Variants in FUT9 observed in about 807,000 individuals in gnomAD.
The protein encoded by FUT9 is 4-galactosyl-N-acetylglucosaminide 3-alpha-L-fucosyltransferase 9.
Under a neutral mutation model 29.7 loss-of-function variants are expected in FUT9, and 15 were observed. The observed-to-expected ratio is 0.51, with a 90% CI of 0.34 to 0.78. The LOEUF (loss-of-function observed/expected upper bound fraction) is 0.78. Ranked by LOEUF, FUT9 falls within the 30% of genes least tolerant of loss-of-function variation. The probability of loss-of-function intolerance (pLI) is 0.01; values close to 1 mark genes in which losing one functional copy is unlikely to be tolerated. For synonymous variants in FUT9, 169 were observed against 153.7 expected (o/e 1.10, Z -0.74); for missense variants, 319 against 425.4 (o/e 0.75, Z 2.20).
chr6:96,038,364 AG>A (rs1401189559), intron 1 of FUT9, among the ~76,000 whole-genome samples: 2 of 152,144 alleles, frequency 1.3e-5, no homozygotes, highest in Non-Finnish European at 2.9e-5. Context: ...GGCTTCTATT[AG>A]CAGAACATCT....
intron 1 of FUT9, among the ~76,000 whole-genome samples, chr6:96,060,340 T>C (rs1320375182): frequency 6.6e-6 from 1 of 152,328 alleles, no homozygotes; most frequent in Non-Finnish European, 1.5e-5. Flanking sequence ...ATTTACATAC[T>C]AAATTAAACT....
At chr6:96,172,852 C>T (rs896606981) in intron 2 of FUT9, among the ~76,000 whole-genome samples, 8 of 152,080 alleles carry the variant, frequency 5.3e-5, no homozygotes, top group Admixed American at 2.6e-4. Flanking sequence ...GCACTTTATA[C>T]TCTGAGGACA....
At chr6:96,171,882 A>G (rs927575920) in intron 2 of FUT9, among the ~76,000 whole-genome samples, 2 of 152,160 alleles carry the variant, frequency 1.3e-5, no homozygotes, top group African/African-American at 4.8e-5. Context: ...CTAGCAGAAT[A>G]AAGAATTTGT....
At chr6:96,020,672 C>T (rs72627715) in intron 1 of FUT9, among the ~76,000 whole-genome samples, 3,219 of 152,144 alleles carry the variant, frequency 0.021, 162 homozygotes, top group East Asian at 0.2. Flanking sequence ...GGAAGAATAA[C>T]ATGGTGACAT....
chr6:96,042,800 T>A (rs1770487094), intron 1 of FUT9, among the ~76,000 whole-genome samples: 1 of 152,172 alleles, frequency 6.6e-6, no homozygotes, highest in Non-Finnish European at 1.5e-5. Context: ...GTGAGATACT[T>A]CCCATTATTC....
chr6:96,146,464 T>C (rs1260181467), intron 2 of FUT9, among the ~76,000 whole-genome samples: 1 of 152,164 alleles, frequency 6.6e-6, no homozygotes, highest in East Asian at 1.9e-4. Flanking sequence ...CAAAGGAAAA[T>C]CTGAGGGGTT....
chr6:96,129,100 A>C (rs1772187292), intron 2 of FUT9, among the ~76,000 whole-genome samples: 1 of 103,376 alleles, frequency 9.7e-6, no homozygotes, highest in Non-Finnish European at 2.4e-5. Context: ...TACTAAAAAT[A>C]CAAAAAAAAA....
At chr6:96,129,784 T>C (rs1229198630) in intron 2 of FUT9, among the ~76,000 whole-genome samples, 3 of 151,936 alleles carry the variant, frequency 2.0e-5, no homozygotes, top group African/African-American at 7.2e-5. Flanking sequence ...AATATATTCT[T>C]CTATTACTTT....
intron 1 of FUT9, among the ~76,000 whole-genome samples, chr6:96,062,201 GA>G (rs886352870): frequency 3.3e-5 from 5 of 151,052 alleles, no homozygotes; most frequent in South Asian, 2.1e-4. Flanking sequence ...ATGAAAAAAA[GA>G]AAAAAATCTG....
Position 96,214,500 on chromosome 6 carries a change from G to C in FUT9, c.*10265G>C, listed in dbSNP as rs77748719. The C allele has an allele frequency of 0.016, 2,607 of 166,858 alleles. 36 individuals are homozygous for C. Among genetic ancestry groups the C allele is most frequent in the Non-Finnish European group, 0.021 (1,396 of 68,018 alleles). 10.3% of individuals were successfully genotyped at this position (166,858 alleles called of 1,614,324 possible). A position where few individuals can be genotyped will look rare whatever the true frequency, so the allele number is the denominator to read the frequency against. On this transcript the variant is annotated 3_prime_UTR_variant, in exon 3 of 3. Coordinates refer to ENST00000302103, the MANE Select transcript of FUT9 (RefSeq NM_006581.4). ...AAAATTGTATAAAAATATGAATGTT[G>C]GCTGCAGAGGAGCCTTTACATGCAG... is the stretch of plus-strand genomic sequence containing the variant.
At chr6:96,133,637 C>A (rs962820284) in intron 2 of FUT9, among the ~76,000 whole-genome samples, 5 of 151,882 alleles carry the variant, frequency 3.3e-5, no homozygotes, top group Admixed American at 1.3e-4. Flanking sequence ...GTAATTCATA[C>A]ATTGAACTTA....
At chr6:96,170,546 TCACACACA>T (rs5878420) in intron 2 of FUT9, among the ~76,000 whole-genome samples, 10 of 148,696 alleles carry the variant, frequency 6.7e-5, no homozygotes, top group Admixed American at 3.4e-4. Context: ...AAAATCCCTT[TCACACACA>T]CACACACACA....
chr6:96,085,240 A>G (rs1771296344), intron 1 of FUT9, among the ~76,000 whole-genome samples: 1 of 152,204 alleles, frequency 6.6e-6, no homozygotes, highest in African/African-American at 2.4e-5. Context: ...CATACTGTGT[A>G]GCTTATAAAC....
At chr6:96,164,300 C>T (rs1772971929) in intron 2 of FUT9, among the ~76,000 whole-genome samples, 1 of 142,704 alleles carries the variant, frequency 7.0e-6, no homozygotes. Context: ...TCTCTTTCGC[C>T]CAGGCCGGAG....
intron 2 of FUT9, among the ~76,000 whole-genome samples, chr6:96,190,091 G>T (rs1411485895): frequency 1.3e-5 from 2 of 152,060 alleles, no homozygotes; most frequent in Non-Finnish European, 2.9e-5. Flanking sequence ...AGCTCTTGTA[G>T]GGCAGGCCTG....
At chr6:96,139,018 C>A (rs1380014265) in intron 2 of FUT9, among the ~76,000 whole-genome samples, 1 of 151,948 alleles carries the variant, frequency 6.6e-6, no homozygotes, top group Admixed American at 6.6e-5. Context: ...AAAAAAATGA[C>A]CAGCAGATAG....
intron 2 of FUT9, among the ~76,000 whole-genome samples, chr6:96,143,458 C>T (rs563101988): frequency 3.9e-5 from 6 of 151,986 alleles, no homozygotes; most frequent in African/African-American, 1.2e-4. Flanking sequence ...CATATGGTTC[C>T]TTCCTTCATT....
chr6:96,142,957 A>G (rs1486441092), intron 2 of FUT9, among the ~76,000 whole-genome samples: 1 of 152,188 alleles, frequency 6.6e-6, no homozygotes, highest in East Asian at 1.9e-4. Flanking sequence ...TGTAGATTAT[A>G]TCATGGGTAT....
At chr6:96,032,393 A>G (rs1770279369) in intron 1 of FUT9, among the ~76,000 whole-genome samples, 1 of 151,630 alleles carries the variant, frequency 6.6e-6, no homozygotes, top group African/African-American at 2.4e-5. Context: ...TTATTCAGTC[A>G]GTAATTTTTT....
Sources: allele counts gnomAD v4.1 joint callset (sites outside exome capture counted in the v4.1 genomes callset), GRCh38; gene constraint gnomAD v4.1.1; transcripts MANE v1.5; gene names NCBI Gene and HGNC (gene_info 2026-07-23, HGNC 2026-07-21).